NCOR1: variants seen among roughly 807,000 people sequenced by gnomAD.
NCOR1 encodes the protein protein phosphatase 1, regulatory subunit 109.
NCOR1 carries 63 observed loss-of-function variants against 288.1 expected under a neutral mutation model. The observed-to-expected ratio is 0.22, with a 90% confidence interval of 0.18 to 0.27. The LOEUF (loss-of-function observed/expected upper bound fraction) is 0.27. Among genes scored for constraint, NCOR1 ranks in the 10% least tolerant of loss-of-function variants. NCOR1 has a pLI of 1.00. For missense variants in NCOR1, 2,397 were observed against 3,019.2 expected (o/e 0.79, Z 4.83); for synonymous variants, 1,007 against 1,065.9 (o/e 0.94, Z 1.08).
chr17:16,045,809 T>A (rs1443515460), intron 42 of NCOR1, among the ~76,000 whole-genome samples: 2 of 150,056 alleles, frequency 1.3e-5, no homozygotes, highest in African/African-American at 5.1e-5. Flanking sequence ...CCCAGACAAT[T>A]TAAAAAAAAT....
In NCOR1 at chr17:16,119,471, C is replaced by T. The variant is rs771797558; in HGVS notation, c.1867G>A (p.Val623Met). Residue 623 changes from valine (V) to methionine (M), a missense_variant, in exon 17 of 46, where the codon GTG becomes ATG. Physicochemically the swap from Val to Met is conservative, Grantham distance 21. This residue lies in a region of NCOR1 where 24 missense variants were observed against 84.3 expected (regional missense o/e 0.28). Coordinates refer to ENST00000268712, the MANE Select transcript of NCOR1 (RefSeq NM_006311.4). ...TCTTCTGTCCATCGAGAGGTCTCCA[C>T]AGGCTCTGTAGAAACTAAAATAAAG... is the stretch of plus-strand genomic sequence containing the variant. ...PPPEPISTEPVETSRWTEEEM... is the reference protein window; with the variant it reads ...PPPEPISTEPMETSRWTEEEM... The T allele has an allele frequency of 1.9e-6, 3 of 1,609,240 alleles. No individual in the cohort carries two copies.
intron 5 of NCOR1, among the ~76,000 whole-genome samples, chr17:16,163,112 T>C (rs2081216522): frequency 6.6e-6 from 1 of 151,994 alleles, no homozygotes. Flanking sequence ...GACCGCGAAT[T>C]AGGCAATGGG....
rs1418470564 is a variant in NCOR1 at position 16,031,057 on chromosome 17, A to G, written c.*1239T>C. 5.2e-6 allele frequency: 1 copy of G among 193,616 alleles called. No homozygotes were observed. The highest frequency in any genetic ancestry group is 1.1e-5 in the Non-Finnish European group (1 of 92,804). The allele number at this position is 193,616 out of a possible 1,614,324, so 12.0% of individuals were successfully genotyped here. A position where few individuals can be genotyped will look rare whatever the true frequency, so the allele number is the denominator to read the frequency against. On this transcript the variant is annotated 3_prime_UTR_variant, in exon 46 of 46. Transcript: ENST00000268712. ...AAAAAAACTTTAAAATTCAGCAAGC[A>G]ATTCTTAATGAAAGATAAAACTGGC...
intron 14 of NCOR1, among the ~76,000 whole-genome samples, chr17:16,136,402 G>A (rs1175152967): frequency 3.9e-5 from 6 of 152,104 alleles, no homozygotes; most frequent in African/African-American, 7.2e-5. Flanking sequence ...ATGTTGCCTA[G>A]GCTGGTCTTG....
chr17:16,035,068 G>A lies in NCOR1; in HGVS notation c.6956-124C>T. On this transcript the variant is annotated intron_variant, in intron 44 of 45. Transcript: ENST00000268712. ...TGGTAACATGAAGAATCCAGATCCT[G>A]GTACTCAATGAAATAAAATACTACA... is the stretch of plus-strand genomic sequence containing the variant. The A allele has an allele frequency of 4.6e-6, 4 of 867,794 alleles. No homozygotes were observed. The South Asian group carries it at 5.6e-5, about 12-fold the overall frequency. 53.8% of individuals were successfully genotyped at this position (867,794 alleles called of 1,614,324 possible).
chr17:16,149,941 T>C (rs1270788630), intron 8 of NCOR1, among the ~76,000 whole-genome samples: 4 of 152,154 alleles, frequency 2.6e-5, no homozygotes, highest in Non-Finnish European at 5.9e-5. Context: ...GGAAAATGTA[T>C]ACCAACATAT....
At chr17:16,169,851 T>C (rs2082778595) in intron 4 of NCOR1, among the ~76,000 whole-genome samples, 1 of 152,200 alleles carries the variant, frequency 6.6e-6, no homozygotes, top group Admixed American at 6.5e-5. Context: ...TAAATTTCTT[T>C]TTTTTAATGC....
rs200869824 is a variant in NCOR1, at chr17:16,039,084, TC to T, written c.6955+348del. ...GCACCCGGCTGGCTTATGTTTCTTT[TC>T]TACTGAGCCTAATTTTTACAGTTAA... On this transcript the variant is annotated intron_variant, in intron 44 of 45. Transcript: ENST00000268712. The T allele has an allele frequency of 6.8e-3, 1,425 of 209,068 alleles. 24 individuals are homozygous for T. The highest frequency in any genetic ancestry group is 0.031 in the African/African-American group (1,323 of 42,988). The allele number at this position is 209,068 out of a possible 1,614,324, so 13.0% of individuals were successfully genotyped here. A position where few individuals can be genotyped will look rare whatever the true frequency, so the allele number is the denominator to read the frequency against.
intron 14 of NCOR1, among the ~76,000 whole-genome samples, 194 bp from the exon 15 acceptor site, chr17:16,126,400 C>T (rs567995566): frequency 4.6e-5 from 7 of 152,206 alleles, no homozygotes; most frequent in African/African-American, 1.4e-4. Context: ...GGGTCCTACA[C>T]GCAGACACAA....
At chr17:16,076,623 G>A (rs547356957) in intron 26 of NCOR1, among the ~76,000 whole-genome samples, 1 of 152,302 alleles carries the variant, frequency 6.6e-6, no homozygotes, top group East Asian at 1.9e-4. Context: ...TTTAAAAACT[G>A]TCTTTCTGAA....
chr17:16,057,222 C>T (rs943385709), intron 40 of NCOR1: 14 of 367,054 alleles, frequency 3.8e-5, no homozygotes, highest in African/African-American at 2.9e-4. Context: ...GGAAGCACCA[C>T]TGAAGTGTCC....
chr17:16,091,279 A>AT (rs1334466583), intron 22 of NCOR1, among the ~76,000 whole-genome samples: 1 of 152,268 alleles, frequency 6.6e-6, no homozygotes, highest in Non-Finnish European at 1.5e-5. Context: ...CACCTGTTAT[A>AT]TAACAATACC....
intron 1 of NCOR1, among the ~76,000 whole-genome samples, chr17:16,206,093 A>G (rs553044980): frequency 6.6e-6 from 1 of 152,148 alleles, no homozygotes; most frequent in African/African-American, 2.4e-5. Flanking sequence ...TATTGGCCAG[A>G]GTATGGGGCA....
At chr17:16,117,355 G>A (rs773816388) in intron 18 of NCOR1, among the ~76,000 whole-genome samples, 5 of 151,968 alleles carry the variant, frequency 3.3e-5, no homozygotes, top group Admixed American at 6.6e-5. Flanking sequence ...GGCCTTGTTT[G>A]GACTGTTAGG....
intron 19 of NCOR1, among the ~76,000 whole-genome samples, chr17:16,103,200 A>T (rs2067950957): frequency 6.6e-6 from 1 of 152,226 alleles, no homozygotes; most frequent in Non-Finnish European, 1.5e-5. Flanking sequence ...TTACTATCCA[A>T]TTAAACAAAA....
intron 33 of NCOR1, 92 bp downstream of exon 33, chr17:16,065,393 C>T: frequency 7.4e-7 from 1 of 1,345,098 alleles, no homozygotes. Context: ...TCTTTCTTTC[C>T]ATCATTCATT....
intron 3 of NCOR1, among the ~76,000 whole-genome samples, chr17:16,184,284 A>G (rs2086146862): frequency 6.6e-6 from 1 of 152,206 alleles, no homozygotes; most frequent in African/African-American, 2.4e-5. Flanking sequence ...CAGCCTGTAG[A>G]CACAGAAAAC....
intron 2 of NCOR1, among the ~76,000 whole-genome samples, chr17:16,189,062 G>A (rs1415122389): frequency 6.6e-6 from 1 of 151,382 alleles, no homozygotes. Flanking sequence ...TCATCACAAG[G>A]GTTTGTTAAA....
At chr17:16,059,036 C>T (rs1242639924) in intron 37 of NCOR1, among the ~76,000 whole-genome samples, 2 of 109,940 alleles carry the variant, frequency 1.8e-5, no homozygotes, top group East Asian at 2.4e-4. Flanking sequence ...GCAACAAGAG[C>T]GAAACTCCGT....
Sources: allele counts gnomAD v4.1 joint callset (sites outside exome capture counted in the v4.1 genomes callset), GRCh38; gene constraint gnomAD v4.1.1; regional missense constraint gnomAD v4.1.1; transcripts MANE v1.5; gene names NCBI Gene and HGNC (gene_info 2026-07-23, HGNC 2026-07-21).